The following ITSN2 variants were observed in gnomAD, a reference collection of about 807,000 sequenced individuals.
ITSN2 encodes the protein intersectin 2.
ITSN2 carries 156 observed loss-of-function variants against 243.7 expected under a neutral mutation model. The observed-to-expected ratio is 0.64, with a 90% CI of 0.56 to 0.73. ITSN2 has a LOEUF of 0.73. ITSN2 is among the 30% of genes least tolerant of loss of function. The pLI is 0.00. For synonymous variants in ITSN2, 703 were observed against 699.9 expected, an observed-to-expected ratio of 1.00 and a Z score of -0.07; for missense variants, 1,801 against 1,996.1, an observed-to-expected ratio of 0.90 and a Z score of 1.86.
intron 27 of ITSN2, among the ~76,000 whole-genome samples, 196 bp downstream of exon 27, chr2:24,248,433 A>G (rs1049494188): frequency 3.9e-5 from 6 of 152,218 alleles, no homozygotes; most frequent in Admixed American, 3.9e-4. Context: ...ATTGTTACTT[A>G]TAACATCAAC....
chr2:24,220,575 T>C, intron 30 of ITSN2: 1 of 1,078,348 alleles, frequency 9.3e-7, no homozygotes, highest in Non-Finnish European at 1.1e-6. Flanking sequence ...AAAACAGATA[T>C]TAGGCAAATA....
chr2:24,216,273 G>C, intron 31 of ITSN2, 41 bp from the exon 32 acceptor site: 1 of 1,462,240 alleles, frequency 6.8e-7, no homozygotes, highest in Non-Finnish European at 9.2e-7. Flanking sequence ...CTAAGTGAAT[G>C]ACTTAGGTAA....
intron 15 of ITSN2, among the ~76,000 whole-genome samples, chr2:24,291,904 A>T (rs1175152942): frequency 6.6e-6 from 1 of 152,216 alleles, no homozygotes; most frequent in Non-Finnish European, 1.5e-5. Context: ...CAAAGAAACA[A>T]CATGGTAGTA....
chr2:24,289,097 T>C (rs1413157063), intron 15 of ITSN2, among the ~76,000 whole-genome samples: 1 of 152,242 alleles, frequency 6.6e-6, no homozygotes, highest in African/African-American at 2.4e-5. Flanking sequence ...CTTTGGCTAT[T>C]TGAAGTCTTC....
chr2:24,328,064 T>C lies in ITSN2; in HGVS notation c.19A>G (p.Thr7Ala). 1 of 1,613,856 alleles carries C rather than the reference T, an allele frequency of 6.2e-7. No homozygotes were observed. Among genetic ancestry groups the C allele is most frequent in the Non-Finnish European group, 8.5e-7 (1 of 1,179,892 alleles). MMAQFP[T>A]AMNGGPNMWA... ...CAAAGCTGCTTACCATTCATAGCTG[T>C]GGGAAACTGAGCCATCATGGTCCTG... The change falls in exon 2 of 40, where the codon ACA becomes GCA. Residue 7 changes from threonine (T) to alanine (A), a missense_variant. By Grantham distance (58) the Thr-to-Ala change is moderately conservative (BLOSUM62 0). Coordinates refer to ENST00000355123, the MANE Select transcript of ITSN2 (RefSeq NM_006277.3).
intron 29 of ITSN2, among the ~76,000 whole-genome samples, chr2:24,230,305 A>G (rs1160199227): frequency 6.6e-6 from 1 of 151,950 alleles, no homozygotes; most frequent in Non-Finnish European, 1.5e-5. Flanking sequence ...CATCCAGACC[A>G]CTTCTCACAC....
rs143791834 is a variant in ITSN2 at position 24,355,248 on chromosome 2, T to C, written c.-34+5056A>G. ...CAAGTAAAAAATACAGTATTTCTGATGTACCTTCAACTTTAGATCTATCCA... is the reference window on the plus strand; with the variant it reads ...CAAGTAAAAAATACAGTATTTCTGACGTACCTTCAACTTTAGATCTATCCA... On this transcript the variant is annotated intron_variant, in intron 1 of 39. Transcript: ENST00000355123. 3.8e-3 allele frequency among the ~76,000 whole-genome samples: 584 copies of C among 152,348 alleles called. 5 individuals are homozygous for C. Among genetic ancestry groups the C allele is most frequent in the African/African-American group, 0.013 (553 of 41,586 alleles).
intron 1 of ITSN2, among the ~76,000 whole-genome samples, chr2:24,360,027 G>C (rs1045258557): frequency 6.6e-6 from 1 of 151,832 alleles, no homozygotes. Flanking sequence ...CCAGGGACCC[G>C]GGCTCGGCCG....
intron 17 of ITSN2, among the ~76,000 whole-genome samples, chr2:24,279,860 G>A (rs1175498564): frequency 6.7e-6 from 1 of 148,188 alleles, no homozygotes; most frequent in East Asian, 2.0e-4. Context: ...AGCCTCCCAA[G>A]TAGCTGGGAC....
chr2:24,239,861 C>T (rs1055204849), intron 29 of ITSN2: 3 of 152,038 alleles, frequency 2.0e-5, no homozygotes, highest in African/African-American at 7.2e-5. Context: ...AATACCTACA[C>T]AAAGAGTGGT....
upstream of ITSN2, chr2:24,360,699 C>G (rs1006081104): frequency 2.6e-5 from 4 of 152,458 alleles, no homozygotes; most frequent in Admixed American, 1.3e-4. Context: ...TGCTCCGAGT[C>G]GGTCGGGTCC....
At chr2:24,263,511 A>G (rs1313789615) in intron 20 of ITSN2, among the ~76,000 whole-genome samples, 3 of 152,168 alleles carry the variant, frequency 2.0e-5, no homozygotes, top group Non-Finnish European at 4.4e-5. Context: ...CAATCAAGAT[A>G]GCCAACACTT....
rs1363852691 is a variant in ITSN2, at chr2:24,203,708, C to T, written c.5012G>A (p.Arg1671Gln). The T allele has an allele frequency of 8.1e-6, 13 of 1,614,152 alleles. No homozygotes were observed. Among genetic ancestry groups the T allele is most frequent in the Non-Finnish European group, 1.1e-5 (13 of 1,180,028 alleles). The change falls in exon 40 of 40, where the codon CGA becomes CAA. Residue 1671 changes from arginine (R) to glutamine (Q), a missense_variant. Arg to Gln is a conservative substitution (Grantham distance 43, BLOSUM62 1). This residue lies in a region of ITSN2 where 928 missense variants were observed against 1,065.4 expected (regional missense o/e 0.87). Coordinates refer to ENST00000355123, the MANE Select transcript of ITSN2 (RefSeq NM_006277.3). ...EQESKGPMTR[R>Q]LLLHEVPTGE... ...GGTGGGGACCTCATGCAGCAGCAGT[C>T]GGCGGGTCATAGGGCCTTTGCTTTC...
chr2:24,327,931 G>A, intron 2 of ITSN2, 121 bp downstream of exon 2: 2 of 826,206 alleles, frequency 2.4e-6, no homozygotes, highest in East Asian at 2.6e-5. Flanking sequence ...TATTTTCCAA[G>A]AATACTTCAA....
intron 32 of ITSN2, among the ~76,000 whole-genome samples, chr2:24,213,204 C>T (rs961624197): frequency 1.5e-4 from 23 of 152,278 alleles, no homozygotes; most frequent in African/African-American, 4.8e-4. Context: ...CAGGCTCTCC[C>T]CTGGGACACC....
chr2:24,215,603 G>A (rs1669876860), intron 32 of ITSN2, among the ~76,000 whole-genome samples: 1 of 150,894 alleles, frequency 6.6e-6, no homozygotes, highest in Non-Finnish European at 1.5e-5. Flanking sequence ...GGAGGCAGAG[G>A]TTGCAGTGAG....
At chr2:24,256,199 G>A (rs563558080) in intron 23 of ITSN2, among the ~76,000 whole-genome samples, 91 of 152,326 alleles carry the variant, frequency 6.0e-4, no homozygotes, top group Non-Finnish European at 1.1e-3. Flanking sequence ...GCTCCAGCCT[G>A]GCCGAAAGAG....
At chr2:24,287,720 A>G (rs891131026) in intron 15 of ITSN2, among the ~76,000 whole-genome samples, 3 of 151,928 alleles carry the variant, frequency 2.0e-5, no homozygotes, top group African/African-American at 7.3e-5. Context: ...GATCTTTTTG[A>G]TAACAGCCAT....
chr2:24,325,534 G>C (rs1425105937), intron 2 of ITSN2, among the ~76,000 whole-genome samples: 1 of 152,076 alleles, frequency 6.6e-6, no homozygotes, highest in Non-Finnish European at 1.5e-5. Context: ...CCTTTGAAAA[G>C]GCAAAAGTTT....
Sources: allele counts gnomAD v4.1 joint callset (sites outside exome capture counted in the v4.1 genomes callset), GRCh38; gene constraint gnomAD v4.1.1; regional missense constraint gnomAD v4.1.1; transcripts MANE v1.5; gene names NCBI Gene and HGNC (gene_info 2026-07-23, HGNC 2026-07-21).